Variants in TRIM61 observed in about 807,000 individuals in gnomAD.
TRIM61 encodes putative tripartite motif-containing protein 61.
In TRIM61, 1 loss-of-function variant was observed where a neutral mutation model predicts 14.2. The observed-to-expected ratio is 0.07, with a 90% CI of 0.03 to 0.33. TRIM61 has a LOEUF of 0.33. TRIM61 is among the 10% of genes least tolerant of loss of function. The pLI is 0.99. For synonymous variants in TRIM61, 8 were observed against 71.6 expected (o/e 0.11, Z 4.49); for missense variants, 19 against 202.2 (o/e 0.09, Z 5.49).
At chr4:164,964,734 C>T (rs1732202536) in intron 3 of TRIM61, among the ~76,000 whole-genome samples, 1 of 152,084 alleles carries the variant, frequency 6.6e-6, no homozygotes, top group South Asian at 2.1e-4. Context: ...CAGAAACTGG[C>T]AAGGGGAGTG....
At position 164,964,692 on chromosome 4, in the gene TRIM61, A is replaced by G. The variant is rs76911759; in HGVS notation, c.525+4786T>C. Among the ~76,000 whole-genome samples the G allele has an allele frequency of 9.3e-3, 1,411 of 152,270 alleles. 57 individuals carry two copies. The East Asian group carries it at 0.14, about 15-fold the overall frequency. ...GAATATTATAGTGATTTTTTGGGAC[A>G]TAAGGTTGGTGGTGGAATATTAAAT... is the stretch of plus-strand genomic sequence containing the variant. On this transcript the variant is annotated intron_variant, in intron 3 of 4. Transcript: ENST00000329314.
At chr4:164,971,336 A>C (rs566126111) in intron 2 of TRIM61, among the ~76,000 whole-genome samples, 2 of 152,280 alleles carry the variant, frequency 1.3e-5, no homozygotes, top group African/African-American at 4.8e-5. Context: ...TCACGCCTGT[A>C]ATCCCAGCAC....
intron 3 of TRIM61, chr4:164,957,508 T>C: frequency 6.3e-7 from 1 of 1,590,832 alleles, no homozygotes; most frequent in Non-Finnish European, 8.6e-7. Flanking sequence ...GCAGGCTGCC[T>C]CAAGGAAGAA....
chr4:164,972,663 A>G (rs923367025), intron 2 of TRIM61, among the ~76,000 whole-genome samples: 1 of 152,162 alleles, frequency 6.6e-6, no homozygotes, highest in Non-Finnish European at 1.5e-5. Flanking sequence ...TAAGGTTTGT[A>G]ACTTTAGTGG....
intron 3 of TRIM61, among the ~76,000 whole-genome samples, chr4:164,960,039 C>T (rs1420417633): frequency 6.6e-6 from 1 of 152,118 alleles, no homozygotes; most frequent in East Asian, 1.9e-4. Flanking sequence ...GAAATTTTGA[C>T]ACAAAGATAT....
chr4:164,958,031 G>T (rs1324976491), intron 3 of TRIM61: 1 of 167,396 alleles, frequency 6.0e-6, no homozygotes, highest in African/African-American at 2.4e-5. Flanking sequence ...TATCTCTAAA[G>T]ATAGAATACA....
intron 3 of TRIM61, 159 bp downstream of exon 3, chr4:164,968,122 C>T (rs1032031068): frequency 1.4e-5 from 14 of 977,126 alleles, no homozygotes; most frequent in Non-Finnish European, 1.7e-5. Flanking sequence ...CATTGCACTC[C>T]AGCCTGGGCA....
rs554305688 is a variant in TRIM61, at chr4:164,977,612, C to G, written c.-557G>C. 3 of 152,354 alleles carry G rather than the reference C, an allele frequency of 2.0e-5. No homozygotes were observed. The highest frequency in any genetic ancestry group is 4.4e-5 in the Non-Finnish European group (3 of 68,086). The allele number at this position is 152,354 out of a possible 1,614,324, so 9.4% of individuals were successfully genotyped here. A position where few individuals can be genotyped will look rare whatever the true frequency, so the allele number is the denominator to read the frequency against. ...CCGCGAGGAAGGACTCATACCCCAACCCCACCAAGTGGGCTGCTTCCTGCC... is the reference window on the plus strand; with the variant it reads ...CCGCGAGGAAGGACTCATACCCCAAGCCCACCAAGTGGGCTGCTTCCTGCC... On this transcript the variant is annotated 5_prime_UTR_variant, in exon 1 of 5. Coordinates refer to ENST00000329314, the MANE Select transcript of TRIM61 (RefSeq NM_001012414.3).
chr4:164,977,029 T>C (rs926425215), intron 1 of TRIM61, among the ~76,000 whole-genome samples: 1 of 152,148 alleles, frequency 6.6e-6, no homozygotes, highest in Non-Finnish European at 1.5e-5. Flanking sequence ...AAACCTGTGG[T>C]AGATTCCAAG....
At chr4:164,960,188 A>G (rs188144760) in intron 3 of TRIM61, among the ~76,000 whole-genome samples, 84 of 152,302 alleles carry the variant, frequency 5.5e-4, no homozygotes, top group Non-Finnish European at 8.8e-4. Flanking sequence ...CAGCCCTCAG[A>G]ACAAACCAAT....
chr4:164,967,869 T>G (rs182483948), intron 3 of TRIM61, among the ~76,000 whole-genome samples: 2 of 150,248 alleles, frequency 1.3e-5, no homozygotes, highest in African/African-American at 4.9e-5. Flanking sequence ...AGTAGCTACC[T>G]GGCTGGGCGT....
intron 1 of TRIM61, among the ~76,000 whole-genome samples, chr4:164,977,079 C>T (rs867114456): frequency 1.3e-5 from 2 of 152,286 alleles, no homozygotes; most frequent in African/African-American, 2.4e-5. Context: ...TGATTCTTAA[C>T]ATGCCTGCAC....
intron 3 of TRIM61, chr4:164,957,072 C>A: frequency 6.5e-7 from 1 of 1,536,828 alleles, no homozygotes. Context: ...CTCCCCGGAC[C>A]CAGCGCCTGG....
In TRIM61 at chr4:164,961,153, C is replaced by CAAAAAAAAAAAAAAAAAAAAAAAAAAAAA. The variant is rs762554625; in HGVS notation, c.526-6086_526-6058dup. Among the ~76,000 whole-genome samples the CAAAAAAAAAAAAAAAAAAAAAAAAAAAAA allele has an allele frequency of 1.6e-3, 52 of 31,722 alleles. 12 individuals carry two copies. Among genetic ancestry groups the CAAAAAAAAAAAAAAAAAAAAAAAAAAAAA allele is most frequent in the Admixed American group, 2.3e-3 (5 of 2,184 alleles). 20.8% of individuals were successfully genotyped at this position (31,722 alleles called of 152,430 possible). ...ATGACAGAAAATAAGAACTCTCAGGCAAAAAAAAAAAAAAAAAAAAAAAAA... is the reference window on the plus strand; with the variant it reads ...ATGACAGAAAATAAGAACTCTCAGGCAAAAAAAAAAAAAAAAAAAAAAAAAAAAAAAAAAAAAAAAAAAAAAAAAAAAAA... On this transcript the variant is annotated intron_variant, in intron 3 of 4. Coordinates refer to ENST00000329314, the MANE Select transcript of TRIM61 (RefSeq NM_001012414.3).
At chr4:164,963,481 TGGCTCAC>T (rs1416478903) in intron 3 of TRIM61, among the ~76,000 whole-genome samples, 1 of 152,194 alleles carries the variant, frequency 6.6e-6, no homozygotes, top group Non-Finnish European at 1.5e-5. Context: ...CAGGGCACGG[TGGCTCAC>T]GCCTGTAATC....
intron 3 of TRIM61, among the ~76,000 whole-genome samples, chr4:164,961,361 A>G (rs1278274277): frequency 6.6e-6 from 1 of 151,846 alleles, no homozygotes; most frequent in African/African-American, 2.4e-5. Flanking sequence ...CAATGGGCTC[A>G]TTAGTACCCT....
intron 3 of TRIM61, among the ~76,000 whole-genome samples, chr4:164,965,210 TC>T (rs1374349587): frequency 2.6e-5 from 4 of 151,852 alleles, no homozygotes; most frequent in Admixed American, 2.6e-4. Context: ...GTCGCTTGAA[TC>T]CGGGAGAGGG....
chr4:164,963,020 GT>G (rs1397449529), intron 3 of TRIM61, among the ~76,000 whole-genome samples: 2 of 152,266 alleles, frequency 1.3e-5, no homozygotes, highest in African/African-American at 4.8e-5. Flanking sequence ...CCATTAAAAT[GT>G]TTTTAAAAGA....
Position 164,954,643 on chromosome 4 carries a change from T to C in TRIM61, c.*142A>G, listed in dbSNP as rs917444485. Reference sequence around the variant, plus strand: ...TACAAATGTAATTAAAATTTTATTATGGTATAGGAACATATACATACCCTA... The same window carrying C: ...TACAAATGTAATTAAAATTTTATTACGGTATAGGAACATATACATACCCTA... On this transcript the variant is annotated 3_prime_UTR_variant, in exon 5 of 5. Transcript: ENST00000329314. 1 of 152,194 alleles carries C rather than the reference T, an allele frequency of 6.6e-6. No homozygotes were observed. The highest frequency in any genetic ancestry group is 1.5e-5 in the Non-Finnish European group (1 of 68,036). The allele number at this position is 152,194 out of a possible 1,614,324, so 9.4% of individuals were successfully genotyped here. A position where few individuals can be genotyped will look rare whatever the true frequency, so the allele number is the denominator to read the frequency against.
Sources: allele counts gnomAD v4.1 joint callset (sites outside exome capture counted in the v4.1 genomes callset), GRCh38; gene constraint gnomAD v4.1.1; transcripts MANE v1.5; gene names NCBI Gene and HGNC (gene_info 2026-07-23, HGNC 2026-07-21).